SEL1L2: variants seen among roughly 807,000 people sequenced by gnomAD.
SEL1L2 encodes protein sel-1 homolog 2.
A neutral mutation model predicts 98.8 loss-of-function variants in SEL1L2; 89 were observed. The ratio of observed to expected loss-of-function variants is 0.90; its 90% confidence interval spans 0.76 to 1.07. SEL1L2 has a LOEUF of 1.07. Among genes scored for constraint, SEL1L2 ranks in the 50% least tolerant of loss-of-function variants. The pLI is 0.00. For synonymous variants in SEL1L2, 262 were observed against 278.5 expected, an observed-to-expected ratio of 0.94 and a Z score of 0.59; for missense variants, 788 against 812.0, an observed-to-expected ratio of 0.97 and a Z score of 0.36.
intron 18 of SEL1L2, among the ~76,000 whole-genome samples, chr20:13,856,286 T>C (rs899308670): frequency 6.6e-6 from 1 of 152,008 alleles, no homozygotes; most frequent in Non-Finnish European, 1.5e-5. Flanking sequence ...CATGCTACCT[T>C]GCCCGGTTAA....
intron 17 of SEL1L2, among the ~76,000 whole-genome samples, chr20:13,860,719 C>T (rs1014527032): frequency 7.9e-5 from 12 of 152,142 alleles, no homozygotes; most frequent in African/African-American, 2.7e-4. Context: ...TCCATCTCAA[C>T]TCTTTCTCTG....
chr20:13,917,786 C>CTTTTTTTTTTTTTTTTTTTTTTTTTTTT lies in SEL1L2; in HGVS notation c.386+1207_386+1234dup, dbSNP rs5840588. 3.0e-4 allele frequency among the ~76,000 whole-genome samples: 15 copies of CTTTTTTTTTTTTTTTTTTTTTTTTTTTT among 50,072 alleles called. 1 individual carries two copies. Among genetic ancestry groups the CTTTTTTTTTTTTTTTTTTTTTTTTTTTT allele is most frequent in the South Asian group, 1.3e-3 (1 of 774 alleles). The allele number at this position is 50,072 out of a possible 152,430, so 32.8% of individuals were successfully genotyped here. ...CCATACTTTCTTTATTTCTTTCTTT[C>CTTTTTTTTTTTTTTTTTTTTTTTTTTTT]TTTTTTTTTTTTTTTTTTTTTTTTT... On this transcript the variant is annotated intron_variant, in intron 4 of 19. Transcript: ENST00000284951.
At chr20:13,900,774 CCTTA>C (rs1402617584) in intron 5 of SEL1L2, among the ~76,000 whole-genome samples, 1 of 152,274 alleles carries the variant, frequency 6.6e-6, no homozygotes, top group Admixed American at 6.5e-5. Context: ...CCGGTGTCCT[CCTTA>C]CTTGTTTCAA....
At chr20:13,867,282 C>G (rs994370404) in intron 14 of SEL1L2, among the ~76,000 whole-genome samples, 1 of 152,090 alleles carries the variant, frequency 6.6e-6, no homozygotes, top group African/African-American at 2.4e-5. Flanking sequence ...CAGGTAAATC[C>G]CAGCTCCAAG....
chr20:13,884,423 T>G (rs1458330595), intron 10 of SEL1L2, among the ~76,000 whole-genome samples: 2 of 152,236 alleles, frequency 1.3e-5, no homozygotes, highest in African/African-American at 4.8e-5. Flanking sequence ...CAGAGGAGGA[T>G]CCTGTGTATG....
chr20:13,904,630 A>T (rs1255386899), intron 5 of SEL1L2, among the ~76,000 whole-genome samples: 1 of 152,146 alleles, frequency 6.6e-6, no homozygotes, highest in Non-Finnish European at 1.5e-5. Flanking sequence ...TGGACCATAA[A>T]GGCTGTTACT....
At chr20:13,926,101 GAGGTC>G (rs2048882163) in intron 3 of SEL1L2, among the ~76,000 whole-genome samples, 1 of 152,174 alleles carries the variant, frequency 6.6e-6, no homozygotes, top group South Asian at 2.1e-4. Flanking sequence ...GGCGAATCAC[GAGGTC>G]AGGAGATTGA....
At chr20:13,959,448 TGCACC>T (rs745784579) in intron 1 of SEL1L2, among the ~76,000 whole-genome samples, 3 of 152,138 alleles carry the variant, frequency 2.0e-5, no homozygotes, top group Non-Finnish European at 4.4e-5. Flanking sequence ...ATTGAAGAGA[TGCACC>T]GAAAACTGCA....
chr20:13,859,358 T>G lies in SEL1L2; in HGVS notation c.1722A>C (p.Ala574=), dbSNP rs761925724. The stretch of plus-strand genomic sequence containing the variant: ...TGGCTGCAATGCTGTAGTGTGTGGC[T>G]GCTGTTTGATAGTCTTTCTTAGTCC... ...GYGTKKDYQT[A]ATHYSIAANK... is the part of the protein sequence containing the mutation. The change falls in exon 18 of 20, where the codon GCA becomes GCC. Residue 574 remains alanine (A), a synonymous_variant. Transcript: ENST00000284951. 4.3e-6 allele frequency: 7 copies of G among 1,614,176 alleles called. No homozygotes were observed. The Admixed American group carries it at 1.2e-4, about 27-fold the overall frequency.
chr20:13,896,157 A>G (rs887624542), intron 5 of SEL1L2, among the ~76,000 whole-genome samples: 3 of 152,000 alleles, frequency 2.0e-5, no homozygotes. Context: ...CCTGGGCAAC[A>G]GAGTGAGGCC....
At chr20:13,992,213 G>A (rs1182393675), upstream of SEL1L2, among the ~76,000 whole-genome samples, 2 of 152,064 alleles carry the variant, frequency 1.3e-5, no homozygotes, top group African/African-American at 4.8e-5. Flanking sequence ...CATGTTAAGA[G>A]GCTATGTGGG....
At chr20:13,858,519 G>A (rs1241453946) in intron 18 of SEL1L2, among the ~76,000 whole-genome samples, 3 of 152,150 alleles carry the variant, frequency 2.0e-5, no homozygotes, top group Non-Finnish European at 2.9e-5. Context: ...GGCTTATCTC[G>A]TTGAGTGGTT....
intron 18 of SEL1L2, 55 bp downstream of exon 18, chr20:13,859,205 TTC>T: frequency 6.7e-7 from 1 of 1,486,674 alleles, no homozygotes; most frequent in Non-Finnish European, 9.4e-7. Context: ...CATTTACACA[TTC>T]TGTCTTCTCA....
At chr20:13,987,320 T>G (rs1299357596) in intron 1 of SEL1L2, among the ~76,000 whole-genome samples, 1 of 144,370 alleles carries the variant, frequency 6.9e-6, no homozygotes, top group Admixed American at 7.2e-5. Flanking sequence ...TGTTTTTTTT[T>G]TTTTTTTTTT....
rs772219048 is a variant in SEL1L2 at position 13,885,370 on chromosome 20, TC to T, written c.933del (p.Gly313ValfsTer2). 8 of 1,606,166 alleles carry T rather than the reference TC, an allele frequency of 5.0e-6. No individual in the cohort carries two copies. The highest frequency in any genetic ancestry group is 6.8e-6 in the Non-Finnish European group (8 of 1,172,880). ...VSLGQLHLIG[R>X]KGLDQDYYKA... ...ACGTAGTAATCCTGATCTAGACCTT[TC>T]CTGCCAATTAGATGTAATTGTCCAA... On this transcript the variant is annotated frameshift_variant, in exon 10 of 20. Transcript: ENST00000284951. LOFTEE classifies it high-confidence loss of function.
chr20:13,933,166 G>A (rs770914910), intron 2 of SEL1L2, among the ~76,000 whole-genome samples: 6 of 151,738 alleles, frequency 4.0e-5, no homozygotes, highest in East Asian at 1.9e-4. Flanking sequence ...CTGAGATTGC[G>A]CCACTGTACT....
chr20:13,978,495 A>G (rs2051650550), intron 1 of SEL1L2, among the ~76,000 whole-genome samples: 1 of 152,226 alleles, frequency 6.6e-6, no homozygotes, highest in Non-Finnish European at 1.5e-5. Flanking sequence ...CATTATGGAA[A>G]GCAGTATAGA....
chr20:13,888,068 A>G, intron 6 of SEL1L2, 67 bp from the exon 7 acceptor site: 1 of 1,343,828 alleles, frequency 7.4e-7, no homozygotes, highest in Non-Finnish European at 1.0e-6. Context: ...TGAAACTCAA[A>G]CCAAGTATTC....
At chr20:13,934,875 G>A (rs560141335) in intron 2 of SEL1L2, among the ~76,000 whole-genome samples, 1 of 151,720 alleles carries the variant, frequency 6.6e-6, no homozygotes, top group Non-Finnish European at 1.5e-5. Flanking sequence ...CCTTCTATTA[G>A]CCCCACCTAA....
Sources: gnomAD v4.1 joint callset for allele counts (sites outside exome capture counted in the v4.1 genomes callset) on GRCh38, gnomAD v4.1.1 for gene constraint, MANE v1.5 for transcripts, NCBI Gene and HGNC (gene_info 2026-07-23, HGNC 2026-07-21) for gene names.